Variants in PLEKHA8 observed in about 807,000 individuals in gnomAD.
PLEKHA8 encodes pleckstrin homology domain-containing family A member 8.
PLEKHA8 carries 36 observed loss-of-function variants against 68.2 expected under a neutral mutation model. The observed-to-expected ratio is 0.53, with a 90% CI of 0.40 to 0.70. PLEKHA8 has a LOEUF of 0.70. PLEKHA8 is among the 30% of genes least tolerant of loss of function. The probability of loss-of-function intolerance (pLI) is 0.00; values close to 1 mark genes in which losing one functional copy is unlikely to be tolerated. For synonymous variants in PLEKHA8, 211 were observed against 216.1 expected (o/e 0.98, Z 0.20); for missense variants, 505 against 615.4 (o/e 0.82, Z 1.90).
intron 1 of PLEKHA8, among the ~76,000 whole-genome samples, chr7:30,043,953 C>G (rs535550272): frequency 6.6e-6 from 1 of 151,726 alleles, no homozygotes; most frequent in Non-Finnish European, 1.5e-5. Context: ...AGGGCTGTGG[C>G]ATTTCAGAGA....
intron 1 of PLEKHA8, among the ~76,000 whole-genome samples, chr7:30,044,058 A>T (rs1044611937): frequency 1.5e-5 from 2 of 132,184 alleles, no homozygotes; most frequent in South Asian, 2.4e-4. Context: ...TTTGAGACGG[A>T]GTCTCAAAAA....
chr7:30,091,079 G>T (rs893835127), downstream of PLEKHA8, among the ~76,000 whole-genome samples: 7 of 152,134 alleles, frequency 4.6e-5, no homozygotes, highest in East Asian at 1.3e-3. Flanking sequence ...TGGGAAGATC[G>T]CTTGAGCCCA....
intron 13 of PLEKHA8, among the ~76,000 whole-genome samples, chr7:30,120,435 C>G (rs1279855255): frequency 1.3e-5 from 2 of 152,206 alleles, no homozygotes; most frequent in African/African-American, 4.8e-5. Flanking sequence ...AGTTGGCTGC[C>G]TGTGATTGGC....
rs1300671116 is a variant in PLEKHA8 at position 30,084,615 on chromosome 7, A to G, written c.*5828A>G. Reference sequence around the variant, plus strand: ...TGTTTGAAAATATCTGTCAGATTTTATATTCGTTAGTTATAATAAACTTAT... The same window carrying G: ...TGTTTGAAAATATCTGTCAGATTTTGTATTCGTTAGTTATAATAAACTTAT... On this transcript the variant is annotated 3_prime_UTR_variant, in exon 14 of 14. Coordinates refer to ENST00000449726, the MANE Select transcript of PLEKHA8 (RefSeq NM_001197026.2). 1 of 939,656 alleles carries G rather than the reference A, an allele frequency of 1.1e-6. No individual in the cohort carries two copies. Among genetic ancestry groups the G allele is most frequent in the African/African-American group, 1.8e-5 (1 of 56,078 alleles). 58.2% of individuals were successfully genotyped at this position (939,656 alleles called of 1,614,324 possible).
At chr7:30,086,329 C>T (rs1304038525), downstream of PLEKHA8, among the ~76,000 whole-genome samples, 1 of 152,180 alleles carries the variant, frequency 6.6e-6, no homozygotes, top group Non-Finnish European at 1.5e-5. Context: ...AACATCAATA[C>T]CGCTGGAGCA....
intron 13 of PLEKHA8, chr7:30,116,018 A>T (rs898658615): frequency 6.6e-6 from 1 of 151,152 alleles, no homozygotes; most frequent in African/African-American, 2.4e-5. Flanking sequence ...ACATACGCAT[A>T]CATACGTATA....
intron 9 of PLEKHA8, among the ~76,000 whole-genome samples, chr7:30,058,254 C>T (rs983884400): frequency 4.6e-5 from 7 of 152,098 alleles, no homozygotes; most frequent in Admixed American, 4.6e-4. Context: ...CTTGCCTCCT[C>T]CTTTTCTTAA....
At chr7:30,051,042 G>C (rs1349714474) in intron 6 of PLEKHA8, among the ~76,000 whole-genome samples, 1 of 152,092 alleles carries the variant, frequency 6.6e-6, no homozygotes, top group Non-Finnish European at 1.5e-5. Context: ...TGGGACTATA[G>C]GTGCATGCCA....
intron 7 of PLEKHA8, among the ~76,000 whole-genome samples, chr7:30,053,180 C>T (rs764599867): frequency 2.9e-4 from 44 of 152,166 alleles, no homozygotes; most frequent in Admixed American, 5.2e-4. Context: ...TGATGTTATA[C>T]GTAACAGTGT....
rs1794905932 is a variant in PLEKHA8 at position 30,081,000 on chromosome 7, C to T, written c.*2213C>T. On this transcript the variant is annotated 3_prime_UTR_variant, in exon 14 of 14. Coordinates refer to ENST00000449726, the MANE Select transcript of PLEKHA8 (RefSeq NM_001197026.2). ...TCACCTCAGGTGAACTCTGTGGTCT[C>T]TTGGAGAGGTAGCACTCTGAAAATA... 2.0e-6 allele frequency: 2 copies of T among 985,232 alleles called. No individual in the cohort carries two copies. The highest frequency in any genetic ancestry group is 1.7e-5 in the African/African-American group (1 of 57,212). 61.0% of individuals were successfully genotyped at this position (985,232 alleles called of 1,614,324 possible). A position where few individuals can be genotyped will look rare whatever the true frequency, so the allele number is the denominator to read the frequency against.
downstream of PLEKHA8, among the ~76,000 whole-genome samples, chr7:30,086,790 G>GT (rs1795200189): frequency 6.6e-6 from 1 of 152,196 alleles, no homozygotes; most frequent in African/African-American, 2.4e-5. Flanking sequence ...TTTCACTCTT[G>GT]TTGGTAGGTT....
At chr7:30,125,849 A>ATT (rs1796763393) in intron 13 of PLEKHA8, among the ~76,000 whole-genome samples, 1 of 152,112 alleles carries the variant, frequency 6.6e-6, no homozygotes, top group African/African-American at 2.4e-5. Context: ...GTGTTCCTCC[A>ATT]TTTTTATAAA....
intron 13 of PLEKHA8, among the ~76,000 whole-genome samples, chr7:30,117,553 A>T (rs1447146926): frequency 6.6e-6 from 1 of 151,998 alleles, no homozygotes; most frequent in Non-Finnish European, 1.5e-5. Flanking sequence ...AAAATAAAAA[A>T]ATTAGCCAGG....
Position 30,128,292 on chromosome 7 carries a change from A to C in PLEKHA8, c.1363-974A>C, listed in dbSNP as rs528663901. Among the ~76,000 whole-genome samples, 68 of 152,018 alleles carry C rather than the reference A, an allele frequency of 4.5e-4. 2 individuals carry two copies. The South Asian group carries it at 0.013, about 30-fold the overall frequency. On this transcript the variant is annotated intron_variant, in intron 13 of 13. Transcript: ENST00000396257. ...CAGCTAATTTTTTATTTTTTTGTAG[A>C]GACAAGGTCTCACTATGTTGCCCAG...
At chr7:30,085,297 A>G (rs766063898), downstream of PLEKHA8, among the ~76,000 whole-genome samples, 13 of 152,184 alleles carry the variant, frequency 8.5e-5, no homozygotes, top group Non-Finnish European at 1.9e-4. Flanking sequence ...ATTTTGAAGC[A>G]TCAGACAGCC....
rs1794455145 is a variant in PLEKHA8 at position 30,074,168 on chromosome 7, A to G, written c.1362+36A>G. 3.2e-6 allele frequency: 5 copies of G among 1,568,130 alleles called. No homozygotes were observed. The South Asian group carries it at 5.6e-5, about 17-fold the overall frequency. ...CTTCTTGTCTCCTATTATTAACTGT[A>G]TTGGGTATGCCAGTGGCTAGGGCTA... On this transcript the variant is annotated intron_variant, in intron 13 of 13. Transcript: ENST00000449726.
chr7:30,039,760 CTG>C (rs1217959031), intron 1 of PLEKHA8, among the ~76,000 whole-genome samples: 1 of 152,042 alleles, frequency 6.6e-6, no homozygotes, highest in Non-Finnish European at 1.5e-5. Flanking sequence ...AAGAGCATGT[CTG>C]TGAGTAGAGC....
At chr7:30,039,799 A>G (rs1027284177) in intron 1 of PLEKHA8, among the ~76,000 whole-genome samples, 7 of 151,826 alleles carry the variant, frequency 4.6e-5, no homozygotes, top group East Asian at 2.0e-4. Context: ...TTTCCAATCT[A>G]GATGTCTTTT....
chr7:30,124,707 A>G (rs1796744757), intron 13 of PLEKHA8, among the ~76,000 whole-genome samples: 1 of 152,198 alleles, frequency 6.6e-6, no homozygotes, highest in Non-Finnish European at 1.5e-5. Context: ...ATCCTCGACT[A>G]TTTAAAAAGA....
Sources: gnomAD v4.1 joint callset for allele counts (sites outside exome capture counted in the v4.1 genomes callset) on GRCh38, gnomAD v4.1.1 for gene constraint, MANE v1.5 for transcripts, NCBI Gene and HGNC (gene_info 2026-07-23, HGNC 2026-07-21) for gene names.